Variants in ZNF615 observed in about 807,000 individuals in gnomAD.
The protein encoded by ZNF615 is zinc finger protein 615.
In ZNF615, 15 loss-of-function variants were observed where a neutral mutation model predicts 15.3. The observed-to-expected ratio is 0.98, with a 90% CI of 0.66 to 1.51. The LOEUF is 1.51. Among genes scored for constraint, ZNF615 ranks in the 40% most tolerant of loss-of-function variants. The pLI, the probability that ZNF615 is intolerant of heterozygous loss-of-function variation, is 0.00. For missense variants in ZNF615, 848 were observed against 895.9 expected, an observed-to-expected ratio of 0.95 and a Z score of 0.68; for synonymous variants, 268 against 294.6, an observed-to-expected ratio of 0.91 and a Z score of 0.92.
At position 51,993,313 on chromosome 19, in the gene ZNF615, C is replaced by T. The variant is rs1453439623; in HGVS notation, c.1796G>A (p.Arg599Gln). The change falls in exon 7 of 7, where the codon CGA (arginine) becomes CAA (glutamine). Residue 599 changes from arginine (R) to glutamine (Q), a missense_variant. Arg to Gln is a conservative substitution (Grantham distance 43). Transcript: ENST00000598071. ...ATAAGGTTTCTCCCCAGTATGAGTT[C>T]GCTGATGTGCAATGAGCATGCTTTT... The part of the protein sequence containing the change: ...TGKSMLIAHQ[R>Q]THTGEKPYIC... 5.0e-6 allele frequency: 8 copies of T among 1,614,070 alleles called. No individual in the cohort carries two copies. The highest frequency in any genetic ancestry group is 1.7e-4 in the Middle Eastern group (1 of 6,060).
chr19:52,002,001 T>C, intron 4 of ZNF615, 93 bp from the exon 5 acceptor site: 2 of 1,595,222 alleles, frequency 1.3e-6, no homozygotes, highest in South Asian at 2.2e-5. Flanking sequence ...TACATAGGTA[T>C]CAGATCTGTA....
At chr19:52,001,650 G>T in intron 5 of ZNF615, 163 bp downstream of exon 5, 1 of 589,358 alleles carries the variant, frequency 1.7e-6, no homozygotes, top group Non-Finnish European at 3.0e-6. Context: ...AGAAAGTGGG[G>T]CATATTTTCC....
At position 52,008,196 on chromosome 19, in the gene ZNF615, G is replaced by C; in HGVS notation, c.-283C>G. On this transcript the variant is annotated 5_prime_UTR_variant, in exon 1 of 7. Transcript: ENST00000598071. ...CTCTCGGCCTCCTCAGTGCCTGACG[G>C]CGACTATCCAGGGTCGGAGGCGTTC... 2 of 1,534,640 alleles carry C rather than the reference G, an allele frequency of 1.3e-6. No individual in the cohort carries two copies. The highest frequency in any genetic ancestry group is 1.7e-6 in the Non-Finnish European group (2 of 1,146,294).
chr19:52,003,941 C>A, intron 2 of ZNF615, 41 bp from the exon 3 acceptor site: 1 of 1,295,490 alleles, frequency 7.7e-7, no homozygotes, highest in East Asian at 2.9e-5. Flanking sequence ...TCTTTTTAGG[C>A]CCAGATGTTG....
At position 51,994,151 on chromosome 19, in the gene ZNF615, T is replaced by G. The variant is rs1018079987; in HGVS notation, c.958A>C (p.Thr320Pro). The G allele has an allele frequency of 1.9e-6, 3 of 1,614,000 alleles. No homozygotes were observed. Among genetic ancestry groups the G allele is most frequent in the Non-Finnish European group, 2.5e-6 (3 of 1,180,016 alleles). Residue 320 changes from threonine to proline, a missense_variant, in exon 7 of 7, where the codon ACT (threonine) becomes CCT (proline). By Grantham distance (38) the Thr-to-Pro change is conservative. Transcript: ENST00000598071. ...KKCRLIYHQRTHTGEKPHGCS... is the reference protein window; with the variant it reads ...KKCRLIYHQRPHTGEKPHGCS... The stretch of plus-strand genomic sequence containing the variant: ...CCATGGGGTTTCTCTCCTGTATGAG[T>G]TCGTTGATGATAAATGAGCCGACAC...
intron 1 of ZNF615, 128 bp from the exon 2 acceptor site, chr19:52,007,458 C>A: frequency 2.2e-6 from 1 of 447,772 alleles, no homozygotes; most frequent in Non-Finnish European, 3.7e-6. Flanking sequence ...ACTTCCATTT[C>A]TGAGGATTCA....
chr19:52,005,834 A>C (rs1021965213), intron 2 of ZNF615, among the ~76,000 whole-genome samples: 1 of 152,238 alleles, frequency 6.6e-6, no homozygotes, highest in Non-Finnish European at 1.5e-5. Flanking sequence ...AAATAATCAA[A>C]GATGACTTTT....
At position 52,003,681 on chromosome 19, in the gene ZNF615, A is replaced by C; in HGVS notation, c.15+16T>G. 1 of 1,611,164 alleles carries C rather than the reference A, an allele frequency of 6.2e-7. No homozygotes were observed. On this transcript the variant is annotated intron_variant, in intron 3 of 6. Transcript: ENST00000598071. ...ATTGGAGAATAAAGGAAAGAATAAA[A>C]CAAACCAAAAGTCACCTGGGCCTGC...
intron 3 of ZNF615, 90 bp from the exon 4 acceptor site, chr19:52,002,371 C>CCAGCTTCCTATGTGGTGAAA: frequency 6.3e-7 from 1 of 1,575,632 alleles, no homozygotes; most frequent in Non-Finnish European, 8.6e-7. Context: ...ATTTTCACCA[C>CCAGCTTCCTATGTGGTGAAA]ATAGGAAGCT....
chr19:51,995,449 C>T (rs754886925), intron 6 of ZNF615, among the ~76,000 whole-genome samples: 4 of 152,118 alleles, frequency 2.6e-5, no homozygotes, highest in African/African-American at 9.7e-5. Context: ...AAATATCAGA[C>T]CACACAGGTT....
Position 52,002,257 on chromosome 19 carries a change from C to T in ZNF615, c.40G>A (p.Ala14Thr), listed in dbSNP as rs149976405. The stretch of plus-strand genomic sequence containing the variant: ...CACTCCTCCCAGGTGAAGTCCACAG[C>T]CACATCCTCCAGTGTTAGGGATTCC... ...AQESLTLEDV[A>T]VDFTWEEWQF... The change falls in exon 4 of 7, where the codon GCT becomes ACT. Residue 14 changes from alanine (A) to threonine (T), a missense_variant. Physicochemically the swap from Ala to Thr is moderately conservative, Grantham distance 58. Transcript: ENST00000598071. 94 of 1,614,214 alleles carry T rather than the reference C, an allele frequency of 5.8e-5. No individual in the cohort carries two copies. The African/African-American group carries it at 1.1e-3, about 20-fold the overall frequency.
At position 51,994,605 on chromosome 19, in the gene ZNF615, C is replaced by T; in HGVS notation, c.504G>A (p.Glu168=). The T allele has an allele frequency of 6.2e-7, 1 of 1,613,800 alleles. No individual in the cohort carries two copies. The highest frequency in any genetic ancestry group is 2.2e-5 in the East Asian group (1 of 44,868). The change falls in exon 7 of 7, where the codon GAG becomes GAA. Residue 168 remains glutamate (E), a synonymous_variant. Transcript: ENST00000598071. ...AAAGGGATTTCCCATCTCTATTAAA[C>T]TCAGCAGAGTTCTTTAGGCCAGAGC... is the stretch of plus-strand genomic sequence containing the variant. ...KRSSGLKNSA[E]FNRDGKSLFH... is the part of the protein sequence containing the mutation.
At chr19:52,005,274 A>G (rs924061298) in intron 2 of ZNF615, among the ~76,000 whole-genome samples, 3 of 152,114 alleles carry the variant, frequency 2.0e-5, no homozygotes, top group African/African-American at 7.2e-5. Flanking sequence ...AACAACAACA[A>G]AAAAGAACAT....
intron 6 of ZNF615, among the ~76,000 whole-genome samples, chr19:51,999,004 A>C (rs1182291800): frequency 6.6e-6 from 1 of 152,224 alleles, no homozygotes; most frequent in Non-Finnish European, 1.5e-5. Context: ...AACATGATTA[A>C]CTGGGACTAG....
chr19:52,004,269 C>T (rs1255479155), intron 2 of ZNF615: 1 of 152,240 alleles, frequency 6.6e-6, no homozygotes, highest in Non-Finnish European at 1.5e-5. Flanking sequence ...ACCCATCTAC[C>T]TTTTCAGAGG....
In ZNF615 at chr19:51,994,830, C is replaced by T. The variant is rs1372423554; in HGVS notation, c.279G>A (p.Arg93=). 7.6e-6 allele frequency: 12 copies of T among 1,577,688 alleles called. 1 individual carries two copies. In the African/African-American group the frequency reaches 8.2e-5, roughly 11 times the overall value. ...GATGCTGCAGAGGATCATCAATTTTCCTGATTTCTAGGAAAGAAGAGAACA... is the reference window on the plus strand; with the variant it reads ...GATGCTGCAGAGGATCATCAATTTTTCTGATTTCTAGGAAAGAAGAGAACA... ...GASGGAYAEI[R]KIDDPLQHHL... The change falls in exon 7 of 7, where the codon AGG becomes AGA. Residue 93 remains arginine, a synonymous_variant. Transcript: ENST00000598071.
At chr19:51,996,385 C>CAAAAAAAAAAAAAAA (rs1172310589) in intron 6 of ZNF615, among the ~76,000 whole-genome samples, 34 of 33,312 alleles carry the variant, frequency 1.0e-3, no homozygotes, top group South Asian at 1.9e-3. Flanking sequence ...GACTCTGTCT[C>CAAAAAAAAAAAAAAA]AAAAAAAAAA....
chr19:52,007,470 G>A (rs949977277), intron 1 of ZNF615, 140 bp from the exon 2 acceptor site: 19 of 396,952 alleles, frequency 4.8e-5, no homozygotes, highest in African/African-American at 4.0e-4. Context: ...GAGGATTCAA[G>A]ACCAAGGGGT....
intron 2 of ZNF615, among the ~76,000 whole-genome samples, chr19:52,006,243 A>C (rs1031282028): frequency 2.0e-5 from 3 of 152,204 alleles, no homozygotes; most frequent in African/African-American, 4.8e-5. Context: ...AAATGTTTTC[A>C]TTAATAGAAA....
Sources: allele counts gnomAD v4.1 joint callset (sites outside exome capture counted in the v4.1 genomes callset), GRCh38; gene constraint gnomAD v4.1.1; transcripts MANE v1.5; gene names NCBI Gene and HGNC (gene_info 2026-07-23, HGNC 2026-07-21).